The following MAPK10 variants were observed in gnomAD, a reference collection of about 807,000 sequenced individuals.
The protein encoded by MAPK10 is JNK3 alpha protein kinase.
A neutral mutation model predicts 59.3 loss-of-function variants in MAPK10; 25 were observed. The observed-to-expected ratio is 0.42, with a 90% CI of 0.31 to 0.59. The LOEUF (loss-of-function observed/expected upper bound fraction) is 0.59. Ranked by LOEUF, MAPK10 falls within the 20% of genes least tolerant of loss-of-function variation. MAPK10 has a pLI of 0.15. For synonymous variants in MAPK10, 190 were observed against 200.5 expected (o/e 0.95, Z 0.44); for missense variants, 351 against 568.9 (o/e 0.62, Z 3.90).
chr4:86,257,857 C>G (rs950638360), intron 2 of MAPK10, among the ~76,000 whole-genome samples: 1 of 152,042 alleles, frequency 6.6e-6, no homozygotes, highest in Admixed American at 6.6e-5. Flanking sequence ...ATTCTCTTTT[C>G]TACAACTAAT....
chr4:86,236,990 A>AC (rs137966991), intron 2 of MAPK10, among the ~76,000 whole-genome samples: 2,920 of 151,448 alleles, frequency 0.019, 102 homozygotes, highest in African/African-American at 0.068. Context: ...CCTCCCCTAG[A>AC]CCCCCCATCC....
chr4:86,584,774 C>G (rs1762547412), intron 1 of MAPK10, among the ~76,000 whole-genome samples: 1 of 152,124 alleles, frequency 6.6e-6, no homozygotes, highest in Non-Finnish European at 1.5e-5. Context: ...TAACTGGAAT[C>G]TAGTTTGTAG....
intron 2 of MAPK10, among the ~76,000 whole-genome samples, chr4:86,271,161 C>T (rs1347859978): frequency 1.3e-5 from 2 of 151,990 alleles, no homozygotes; most frequent in African/African-American, 2.4e-5. Context: ...TCCAGTTGCT[C>T]CATGTCATCA....
upstream of MAPK10, among the ~76,000 whole-genome samples, chr4:86,361,027 T>C (rs1564723359): frequency 1.3e-5 from 2 of 152,230 alleles, no homozygotes; most frequent in Non-Finnish European, 2.9e-5. Context: ...GGTTTCTGTT[T>C]ATTGCTACCA....
intron 1 of MAPK10, among the ~76,000 whole-genome samples, chr4:86,506,120 C>T (rs1250372075): frequency 1.3e-5 from 2 of 152,058 alleles, no homozygotes; most frequent in East Asian, 3.9e-4. Flanking sequence ...GATATTCACA[C>T]CTATAAACAA....
At chr4:86,245,854 A>C (rs932145270) in intron 2 of MAPK10, among the ~76,000 whole-genome samples, 1 of 152,188 alleles carries the variant, frequency 6.6e-6, no homozygotes, top group African/African-American at 2.4e-5. Flanking sequence ...TGAAAGGGTA[A>C]AGTAGATGAT....
intron 4 of MAPK10, among the ~76,000 whole-genome samples, chr4:86,135,159 A>G (rs930872047): frequency 2.0e-5 from 3 of 152,190 alleles, no homozygotes; most frequent in Admixed American, 6.5e-5. Flanking sequence ...AGCACCCTAG[A>G]AGCTCCAACT....
chr4:86,043,260 G>A (rs568449615), intron 11 of MAPK10, among the ~76,000 whole-genome samples: 1 of 152,164 alleles, frequency 6.6e-6, no homozygotes, highest in African/African-American at 2.4e-5. Context: ...AGGGAAGAGA[G>A]AACAACCCAC....
At chr4:86,551,069 T>C (rs139524936) in intron 1 of MAPK10, among the ~76,000 whole-genome samples, 252 of 152,322 alleles carry the variant, frequency 1.7e-3, no homozygotes, top group African/African-American at 5.9e-3. Context: ...GTGAACACAA[T>C]AATGCCACCC....
intron 2 of MAPK10, among the ~76,000 whole-genome samples, chr4:86,286,797 C>G (rs927567591): frequency 6.6e-6 from 1 of 152,108 alleles, no homozygotes; most frequent in Admixed American, 6.6e-5. Flanking sequence ...CATCCATCTC[C>G]CCACCTAATA....
chr4:86,506,905 G>A (rs1755781803), intron 1 of MAPK10, among the ~76,000 whole-genome samples: 1 of 152,018 alleles, frequency 6.6e-6, no homozygotes, highest in Admixed American at 6.6e-5. Context: ...AAGCCTCAAG[G>A]GGATTTGGGT....
At chr4:86,520,431 T>G (rs1466699114) in intron 1 of MAPK10, among the ~76,000 whole-genome samples, 5 of 152,194 alleles carry the variant, frequency 3.3e-5, no homozygotes, top group Non-Finnish European at 1.5e-5. Context: ...TATTTTGCAT[T>G]TCTCTAAGGG....
At chr4:86,385,043 T>C (rs1305806435) in intron 1 of MAPK10, among the ~76,000 whole-genome samples, 3 of 152,140 alleles carry the variant, frequency 2.0e-5, no homozygotes, top group Non-Finnish European at 4.4e-5. Flanking sequence ...CTCTTGGGCA[T>C]AGCATTAGCA....
At chr4:86,043,334 T>C (rs2041931802) in intron 11 of MAPK10, among the ~76,000 whole-genome samples, 1 of 152,072 alleles carries the variant, frequency 6.6e-6, no homozygotes, top group Admixed American at 6.6e-5. Flanking sequence ...CATGCAGGGG[T>C]GCAGAAAGGA....
Position 86,029,203 on chromosome 4 carries a change from G to A in MAPK10, c.1246C>T (p.Pro416Ser). Residue 416 changes from proline to serine, a missense_variant, in exon 13 of 14, where the codon CCT (proline) becomes TCT (serine). Physicochemically the swap from Pro to Ser is moderately conservative, Grantham distance 74. This residue lies in a region of MAPK10 where 155 missense variants were observed against 204.2 expected (regional missense o/e 0.76). Transcript: ENST00000641462. ...ATTCACGGAGAGTGAGTACCTGAAGGAGAAGGCTGTCCTTTTACTACACCA... is the reference window on the plus strand; with the variant it reads ...ATTCACGGAGAGTGAGTACCTGAAGAAGAAGGCTGTCCTTTTACTACACCA... ...KNGVVKGQPS[P>S]SGAAVNSSES... 1.2e-6 allele frequency: 2 copies of A among 1,605,770 alleles called. No individual in the cohort carries two copies. Among genetic ancestry groups the A allele is most frequent in the East Asian group, 2.2e-5 (1 of 44,732 alleles).
chr4:86,291,358 C>G (rs367918530), intron 2 of MAPK10, among the ~76,000 whole-genome samples: 1 of 152,116 alleles, frequency 6.6e-6, no homozygotes, highest in Admixed American at 6.5e-5. Context: ...TTACAGGTCC[C>G]GAGTCGGCCA....
At chr4:86,148,546 G>A (rs1283640043) in intron 4 of MAPK10, among the ~76,000 whole-genome samples, 3 of 152,142 alleles carry the variant, frequency 2.0e-5, no homozygotes, top group Non-Finnish European at 4.4e-5. Context: ...GCCCAGCGGG[G>A]TATGATGAAG....
intron 1 of MAPK10, among the ~76,000 whole-genome samples, chr4:86,492,271 A>G (rs2869441): frequency 0.86 from 131,014 of 152,236 alleles, 56,479 homozygotes; most frequent in East Asian, 0.89. Flanking sequence ...CCAGCAGACA[A>G]TTCAGTACAG....
At chr4:86,139,631 T>G (rs1231296176) in intron 4 of MAPK10, among the ~76,000 whole-genome samples, 2 of 152,148 alleles carry the variant, frequency 1.3e-5, no homozygotes, top group African/African-American at 4.8e-5. Context: ...GGGCAAGGAT[T>G]TCATGTCTAA....
Sources: gnomAD v4.1 joint callset for allele counts (sites outside exome capture counted in the v4.1 genomes callset) on GRCh38, gnomAD v4.1.1 for gene constraint, gnomAD v4.1.1 regional missense constraint, MANE v1.5 for transcripts, NCBI Gene and HGNC (gene_info 2026-07-23, HGNC 2026-07-21) for gene names.